Variants in CDK13 observed in about 807,000 individuals in gnomAD.
CDK13 encodes the protein cyclin-dependent kinase 13.
A neutral mutation model predicts 137.6 loss-of-function variants in CDK13; 40 were observed. The ratio of observed to expected loss-of-function variants is 0.29; its 90% confidence interval spans 0.23 to 0.38. The LOEUF (loss-of-function observed/expected upper bound fraction) is 0.38. Ranked by LOEUF, CDK13 falls within the 10% of genes least tolerant of loss-of-function variation. The pLI is 1.00. For synonymous variants in CDK13, 869 were observed against 760.1 expected (o/e 1.14, Z -2.36); for missense variants, 1,704 against 1,951.8 (o/e 0.87, Z 2.39).
At chr7:40,003,184 ACACACACACACACACACACACACT>A (rs1562722890) in intron 5 of CDK13, among the ~76,000 whole-genome samples, 3 of 96,154 alleles carry the variant, frequency 3.1e-5, no homozygotes, top group African/African-American at 1.1e-4. Context: ...ACACACACAC[ACACACACACACACACACACACACT>A]CTCTCTCTCT....
intron 1 of CDK13, among the ~76,000 whole-genome samples, chr7:39,979,408 G>A (rs1209648499): frequency 1.3e-5 from 2 of 151,928 alleles, no homozygotes; most frequent in African/African-American, 2.4e-5. Flanking sequence ...TAGAGACAGG[G>A]TTTCTCCATG....
At position 40,040,061 on chromosome 7, in the gene CDK13, G is replaced by A. The variant is rs543809690; in HGVS notation, c.2354-5775G>A. On this transcript the variant is annotated intron_variant, in intron 5 of 13. Coordinates refer to ENST00000181839, the MANE Select transcript of CDK13 (RefSeq NM_003718.5). ...TTGCTCATGTTGTTCATCCAGGATG[G>A]ATTGCAATGGCACAATCTCAGCTCA... 3.3e-5 allele frequency among the ~76,000 whole-genome samples: 5 copies of A among 150,136 alleles called. No homozygotes were observed. The South Asian group carries it at 8.4e-4, about 25-fold the overall frequency.
At chr7:40,088,462 C>A (rs1786840417) in intron 12 of CDK13, 131 bp downstream of exon 12, 2 of 730,188 alleles carry the variant, frequency 2.7e-6, no homozygotes, top group Admixed American at 2.8e-5. Flanking sequence ...CTAGACATTT[C>A]TTTGTGCCAG....
At chr7:40,078,891 T>C in intron 11 of CDK13, 40 bp downstream of exon 11, 1 of 739,170 alleles carries the variant, frequency 1.4e-6, no homozygotes, top group Non-Finnish European at 1.8e-6. Context: ...TATATTATTA[T>C]TATATTTATT....
chr7:39,968,373 A>G (rs1783918324), intron 1 of CDK13, among the ~76,000 whole-genome samples: 1 of 151,914 alleles, frequency 6.6e-6, no homozygotes. Context: ...GTCTATTTTC[A>G]TTATTCTCCA....
At chr7:40,088,784 A>T (rs1786848165) in intron 12 of CDK13, among the ~76,000 whole-genome samples, 2 of 152,288 alleles carry the variant, frequency 1.3e-5, no homozygotes, top group South Asian at 4.1e-4. Flanking sequence ...ATATTAAAGA[A>T]TCTTAAAGAT....
At chr7:40,019,000 ATTG>A (rs1159824108) in intron 5 of CDK13, among the ~76,000 whole-genome samples, 1 of 152,228 alleles carries the variant, frequency 6.6e-6, no homozygotes, top group African/African-American at 2.4e-5. Context: ...ACAATAGAGA[ATTG>A]TTGAACAGAA....
At chr7:39,977,546 G>GT (rs1784136523) in intron 1 of CDK13, among the ~76,000 whole-genome samples, 1 of 152,202 alleles carries the variant, frequency 6.6e-6, no homozygotes, top group Non-Finnish European at 1.5e-5. Flanking sequence ...TATAAAGGTG[G>GT]TAAACACTGT....
chr7:39,957,301 T>G (rs1787440259), intron 1 of CDK13, among the ~76,000 whole-genome samples: 1 of 138,876 alleles, frequency 7.2e-6, no homozygotes, highest in African/African-American at 2.5e-5. Context: ...TAAAAGTTAG[T>G]TTTTTTTCCT....
intron 1 of CDK13, among the ~76,000 whole-genome samples, chr7:39,960,019 A>T (rs1787557591): frequency 6.6e-6 from 1 of 151,034 alleles, no homozygotes; most frequent in African/African-American, 2.4e-5. Flanking sequence ...GTCAAACTTT[A>T]GTAGTACTTT....
intron 5 of CDK13, among the ~76,000 whole-genome samples, chr7:40,041,546 T>C (rs968255120): frequency 1.3e-5 from 2 of 152,230 alleles, no homozygotes; most frequent in Non-Finnish European, 2.9e-5. Flanking sequence ...CGTAGCATTT[T>C]TTAACTAGCC....
intron 7 of CDK13, 150 bp downstream of exon 7, chr7:40,048,027 G>A: frequency 2.1e-6 from 1 of 482,850 alleles, no homozygotes; most frequent in Non-Finnish European, 3.7e-6. Context: ...TACCATATTG[G>A]GTTGATTATT....
rs370999748 is a variant in CDK13 at position 40,043,635 on chromosome 7, T to C, written c.2354-2201T>C. On this transcript the variant is annotated intron_variant, in intron 5 of 13. Coordinates refer to ENST00000181839, the MANE Select transcript of CDK13 (RefSeq NM_003718.5). Reference sequence around the variant, plus strand: ...GAATTCAAGACTAACCTGGGTAACATAGAGAGACCCCATCTCTACCAGAAA... The same window carrying C: ...GAATTCAAGACTAACCTGGGTAACACAGAGAGACCCCATCTCTACCAGAAA... 3.7e-4 allele frequency among the ~76,000 whole-genome samples: 57 copies of C among 152,004 alleles called. 1 individual carries two copies. The South Asian group carries it at 0.011, about 31-fold the overall frequency.
At chr7:40,008,046 G>A (rs1784828367) in intron 5 of CDK13, among the ~76,000 whole-genome samples, 3 of 152,140 alleles carry the variant, frequency 2.0e-5, no homozygotes, top group African/African-American at 4.8e-5. Context: ...TATTTACCTT[G>A]TGTTTTTCTA....
chr7:39,993,402 T>C (rs1027911432), intron 2 of CDK13, among the ~76,000 whole-genome samples: 2 of 152,202 alleles, frequency 1.3e-5, no homozygotes, highest in Non-Finnish European at 2.9e-5. Context: ...CTGACTCCTT[T>C]ATTCTTTTGA....
intron 1 of CDK13, among the ~76,000 whole-genome samples, chr7:39,963,770 C>T (rs1362323658): frequency 2.9e-5 from 3 of 104,442 alleles, no homozygotes; most frequent in Non-Finnish European, 5.7e-5. Context: ...TTTGTCATAG[C>T]TCTTATTATT....
chr7:39,996,983 A>ATAAG (rs1554326369), intron 2 of CDK13, among the ~76,000 whole-genome samples: 2 of 141,434 alleles, frequency 1.4e-5, no homozygotes, highest in African/African-American at 6.0e-5. Flanking sequence ...AAAAGAAAAA[A>ATAAG]AAAAAGAAAA....
intron 5 of CDK13, among the ~76,000 whole-genome samples, chr7:40,029,430 A>G (rs1045687525): frequency 2.5e-4 from 38 of 151,112 alleles, no homozygotes; most frequent in African/African-American, 8.8e-4. Flanking sequence ...GTGGAAAAAA[A>G]AAAAATTTAG....
intron 1 of CDK13, among the ~76,000 whole-genome samples, chr7:39,965,581 T>C (rs1783853001): frequency 6.6e-6 from 1 of 152,222 alleles, no homozygotes; most frequent in Admixed American, 6.5e-5. Flanking sequence ...AATTTGCCCA[T>C]CTGTGTCTTT....
Sources: allele counts gnomAD v4.1 joint callset (sites outside exome capture counted in the v4.1 genomes callset), GRCh38; gene constraint gnomAD v4.1.1; transcripts MANE v1.5; gene names NCBI Gene and HGNC (gene_info 2026-07-23, HGNC 2026-07-21).